The following SLC25A26 variants were observed in gnomAD, a reference collection of about 807,000 sequenced individuals.
SLC25A26 encodes the protein solute carrier family 25 member 26.
In SLC25A26, 36 loss-of-function variants were observed where a neutral mutation model predicts 37.8. The observed-to-expected ratio is 0.95, with a 90% CI of 0.73 to 1.26. SLC25A26 has a LOEUF of 1.26. Ranked by LOEUF, SLC25A26 falls within the 50% of genes most tolerant of loss-of-function variation. The pLI, the probability that SLC25A26 is intolerant of heterozygous loss-of-function variation, is 0.00. For missense variants in SLC25A26, 390 were observed against 331.1 expected, an observed-to-expected ratio of 1.18 and a Z score of -1.38; for synonymous variants, 129 against 122.5, an observed-to-expected ratio of 1.05 and a Z score of -0.35.
chr3:66,235,918 A>G (rs1015448570), intron 1 of SLC25A26, among the ~76,000 whole-genome samples: 2 of 152,036 alleles, frequency 1.3e-5, no homozygotes, highest in African/African-American at 4.8e-5. Flanking sequence ...CTTGTTGGCT[A>G]TTTATTTTTA....
At chr3:66,148,921 G>C (rs778891682) in intron 1 of SLC25A26, among the ~76,000 whole-genome samples, 1 of 152,278 alleles carries the variant, frequency 6.6e-6, no homozygotes, top group Middle Eastern at 3.4e-3. Flanking sequence ...GGGTTTGAAT[G>C]CATCTTAACA....
intron 2 of SLC25A26, among the ~76,000 whole-genome samples, chr3:66,241,908 A>C (rs1234775521): frequency 6.7e-6 from 1 of 148,598 alleles, no homozygotes; most frequent in Non-Finnish European, 1.5e-5. Flanking sequence ...TAGAGAAAGC[A>C]TAGCTTTTTT....
In SLC25A26 at chr3:66,175,140, T is replaced by TATATATATACAC. The variant is rs1413714739; in HGVS notation, c.-354+41157_-354+41158insTATATATACACA. Among the ~76,000 whole-genome samples the TATATATATACAC allele has an allele frequency of 3.8e-3, 251 of 66,822 alleles. 1 individual carries two copies. The highest frequency in any genetic ancestry group is 0.016 in the African/African-American group (245 of 15,480). 43.8% of individuals were successfully genotyped at this position (66,822 alleles called of 152,430 possible). A position where few individuals can be genotyped will look rare whatever the true frequency, so the allele number is the denominator to read the frequency against. On this transcript the variant is annotated intron_variant, in intron 1 of 10. Transcript: ENST00000676754. Reference sequence around the variant, plus strand: ...ATATATATATATATATATATATATATACACACACACACACACACACATTAT... The same window carrying TATATATATACAC: ...ATATATATATATATATATATATATATATATATATACACACACACACACACACACACACATTAT...
At chr3:66,234,752 T>C (rs2107003012) in intron 1 of SLC25A26, among the ~76,000 whole-genome samples, 1 of 152,314 alleles carries the variant, frequency 6.6e-6, no homozygotes, top group Admixed American at 6.5e-5. Context: ...GCACATTTTG[T>C]AAACTCGAAG....
chr3:66,217,977 T>C (rs1374218513), upstream of SLC25A26, among the ~76,000 whole-genome samples: 1 of 152,246 alleles, frequency 6.6e-6, no homozygotes, highest in East Asian at 1.9e-4. Flanking sequence ...TGCAAACTAT[T>C]GTTTTGTGCC....
In SLC25A26 at chr3:66,279,608, C is replaced by T. The variant is rs74517925; in HGVS notation, c.453+16229C>T. On this transcript the variant is annotated intron_variant, in intron 5 of 9. Transcript: ENST00000354883. ...AAAGACAGCCGATGATAACCATTCT[C>T]ATGATTCTTTGGCCTCAAATGTGTT... is the stretch of plus-strand genomic sequence containing the variant. Among the ~76,000 whole-genome samples, 412 of 152,268 alleles carry T rather than the reference C, an allele frequency of 2.7e-3. 4 individuals carry two copies. The highest frequency in any genetic ancestry group is 9.4e-3 in the African/African-American group (392 of 41,542).
At chr3:66,312,992 G>A (rs2075426905) in intron 5 of SLC25A26, among the ~76,000 whole-genome samples, 1 of 152,094 alleles carries the variant, frequency 6.6e-6, no homozygotes, top group African/African-American at 2.4e-5. Context: ...TGTTTTTCAT[G>A]TAAATATAAG....
At chr3:66,205,463 T>G (rs2071164026) in intron 1 of SLC25A26, among the ~76,000 whole-genome samples, 1 of 152,048 alleles carries the variant, frequency 6.6e-6, no homozygotes, top group South Asian at 2.1e-4. Context: ...TGAAGATAAT[T>G]TGAGATATGG....
chr3:66,204,441 A>AAAAAAAAAAAAAAAAAG (rs2071150607), intron 1 of SLC25A26, among the ~76,000 whole-genome samples: 6 of 89,372 alleles, frequency 6.7e-5, no homozygotes, highest in African/African-American at 6.4e-5. Context: ...AAAAAAAAAG[A>AAAAAAAAAAAAAAAAAG]AAAAAAGAAA....
In SLC25A26 at chr3:66,243,285, T is replaced by C. The variant is rs2072671251; in HGVS notation, c.273T>C (p.His91=). 3.1e-6 allele frequency: 5 copies of C among 1,605,670 alleles called. No homozygotes were observed. Among genetic ancestry groups the C allele is most frequent in the Non-Finnish European group, 2.6e-6 (3 of 1,174,362 alleles). The change falls in exon 3 of 10, where the codon CAT becomes CAC. Residue 91 remains histidine (H), a synonymous_variant. Coordinates refer to ENST00000354883, the MANE Select transcript of SLC25A26 (RefSeq NM_001379210.1). ...CTTCATATTTGACACCTATGAAACATATGTTGGCTGCCTCTGCTGGAGAAG... is the reference window on the plus strand; with the variant it reads ...CTTCATATTTGACACCTATGAAACACATGTTGGCTGCCTCTGCTGGAGAAG... ...DSSSYLTPMK[H]MLAASAGEVV...
At chr3:66,324,280 G>C (rs1410165443) in intron 5 of SLC25A26, 1 of 151,794 alleles carries the variant, frequency 6.6e-6, no homozygotes, top group African/African-American at 2.4e-5. Flanking sequence ...GGTTGAGTGA[G>C]GGATGTAATC....
At chr3:66,259,013 T>C (rs1453323701) in intron 3 of SLC25A26, among the ~76,000 whole-genome samples, 1 of 152,196 alleles carries the variant, frequency 6.6e-6, no homozygotes, top group African/African-American at 2.4e-5. Flanking sequence ...AGCATAGCTC[T>C]AGAATCAGAC....
chr3:66,231,476 TTAA>T lies in SLC25A26; in HGVS notation c.34-5063_34-5061del, dbSNP rs896175808. Among the ~76,000 whole-genome samples the T allele has an allele frequency of 1.5e-3, 221 of 152,252 alleles. 7 individuals are homozygous for T. Among genetic ancestry groups the T allele is most frequent in the Middle Eastern group, 3.4e-3 (1 of 294 alleles). Reference sequence around the variant, plus strand: ...AAAATTAACAAGGTTGTTTAAAAAATTAATAATTCTTGTTATTTAAAATTGTTA... The same window carrying T: ...AAAATTAACAAGGTTGTTTAAAAAATTAATTCTTGTTATTTAAAATTGTTA... On this transcript the variant is annotated intron_variant, in intron 1 of 9. Coordinates refer to ENST00000354883, the MANE Select transcript of SLC25A26 (RefSeq NM_001379210.1).
intron 1 of SLC25A26, among the ~76,000 whole-genome samples, chr3:66,172,804 T>G (rs1050399237): frequency 6.6e-6 from 1 of 152,164 alleles, no homozygotes; most frequent in Admixed American, 6.5e-5. Context: ...GCCTTCATGT[T>G]CACATGGTGC....
At chr3:66,256,536 ACT>A (rs1213008399) in intron 3 of SLC25A26, among the ~76,000 whole-genome samples, 1 of 152,116 alleles carries the variant, frequency 6.6e-6, no homozygotes, top group Non-Finnish European at 1.5e-5. Flanking sequence ...CTGTAATTCT[ACT>A]CTGTTTTTTC....
At chr3:66,296,744 A>C (rs982712450) in intron 5 of SLC25A26, among the ~76,000 whole-genome samples, 1 of 152,250 alleles carries the variant, frequency 6.6e-6, no homozygotes, top group Admixed American at 6.5e-5. Flanking sequence ...CTTAAGTTTC[A>C]TAGTTTACTA....
At chr3:66,173,012 C>T (rs2070523408) in intron 1 of SLC25A26, among the ~76,000 whole-genome samples, 1 of 152,192 alleles carries the variant, frequency 6.6e-6, no homozygotes, top group African/African-American at 2.4e-5. Flanking sequence ...CACATTTCAA[C>T]CCCAACAGGC....
At chr3:66,160,682 C>T (rs1576603521) in intron 1 of SLC25A26, among the ~76,000 whole-genome samples, 1 of 152,164 alleles carries the variant, frequency 6.6e-6, no homozygotes, top group Non-Finnish European at 1.5e-5. Context: ...TGCCTGTAAT[C>T]CCAGCACTTT....
intron 5 of SLC25A26, among the ~76,000 whole-genome samples, chr3:66,264,279 C>G (rs1458802296): frequency 6.7e-6 from 1 of 148,466 alleles, no homozygotes; most frequent in Non-Finnish European, 1.5e-5. Flanking sequence ...ACTCTGTCTC[C>G]AAAAAAAAAG....
Sources: allele counts gnomAD v4.1 joint callset (sites outside exome capture counted in the v4.1 genomes callset), GRCh38; gene constraint gnomAD v4.1.1; transcripts MANE v1.5; gene names NCBI Gene and HGNC (gene_info 2026-07-23, HGNC 2026-07-21).